The following TAFA5 variants were observed in gnomAD, a reference collection of about 807,000 sequenced individuals.
TAFA5 encodes the protein TAFA chemokine like family member 5, also known as chemokine-like protein TAFA-5.
A neutral mutation model predicts 15.3 loss-of-function variants in TAFA5; 6 were observed. That is an observed-to-expected ratio of 0.39 (90% CI 0.21 to 0.77). The LOEUF (loss-of-function observed/expected upper bound fraction) is 0.77, where lower values mean the gene tolerates loss of function less well. TAFA5 is among the 30% of genes least tolerant of loss of function. The pLI is 0.41. For synonymous variants in TAFA5, 103 were observed against 80.7 expected, an observed-to-expected ratio of 1.28 and a Z score of -1.48; for missense variants, 161 against 193.1, an observed-to-expected ratio of 0.83 and a Z score of 0.98.
intron 2 of TAFA5, among the ~76,000 whole-genome samples, chr22:48,649,377 T>C (rs1926976565): frequency 6.6e-6 from 1 of 152,036 alleles, no homozygotes; most frequent in African/African-American, 2.4e-5. Flanking sequence ...AGGGAGAGTG[T>C]GGCGCGAGAG....
chr22:48,519,167 A>C (rs920230099), intron 1 of TAFA5, among the ~76,000 whole-genome samples: 6 of 152,356 alleles, frequency 3.9e-5, no homozygotes, highest in East Asian at 1.9e-4. Flanking sequence ...TCTGCTTGAA[A>C]GGTTATTTGC....
intron 2 of TAFA5, among the ~76,000 whole-genome samples, chr22:48,652,016 C>T (rs1280815500): frequency 1.3e-5 from 2 of 152,208 alleles, no homozygotes; most frequent in African/African-American, 4.8e-5. Flanking sequence ...CGTCATCATG[C>T]CTAGCTGCTC....
At chr22:48,523,447 G>A (rs1283318961) in intron 1 of TAFA5, among the ~76,000 whole-genome samples, 1 of 152,260 alleles carries the variant, frequency 6.6e-6, no homozygotes, top group Non-Finnish European at 1.5e-5. Flanking sequence ...TCTCCTGGCT[G>A]TTGGCTACTT....
At chr22:48,571,271 CTTTT>C (rs869050468) in intron 1 of TAFA5, among the ~76,000 whole-genome samples, 2 of 97,710 alleles carry the variant, frequency 2.0e-5, no homozygotes, top group Non-Finnish European at 4.1e-5. Context: ...TTGTTGTTTG[CTTTT>C]TTTTTTTTTT....
rs146184490 is a variant in TAFA5, at chr22:48,639,415, G to A, written c.113-7182G>A. Among the ~76,000 whole-genome samples, 45 of 152,330 alleles carry A rather than the reference G, an allele frequency of 3.0e-4. 1 individual carries two copies. Among genetic ancestry groups the A allele is most frequent in the African/African-American group, 1.0e-3 (43 of 41,584 alleles). On this transcript the variant is annotated intron_variant, in intron 1 of 3. Transcript: ENST00000402357. Reference sequence around the variant, plus strand: ...ATTTTGGATATTCATCCTGTCATCCGTCACATCAGACATCCTCCCAGATCT... The same window carrying A: ...ATTTTGGATATTCATCCTGTCATCCATCACATCAGACATCCTCCCAGATCT...
chr22:48,577,231 G>A (rs1923845461), intron 1 of TAFA5, among the ~76,000 whole-genome samples: 1 of 152,224 alleles, frequency 6.6e-6, no homozygotes, highest in South Asian at 2.1e-4. Context: ...CTCGTGGCTG[G>A]AGAGGCCCTT....
chr22:48,491,577 G>C (rs1490042715), intron 1 of TAFA5, among the ~76,000 whole-genome samples: 2 of 152,228 alleles, frequency 1.3e-5, no homozygotes, highest in Non-Finnish European at 2.9e-5. Flanking sequence ...TTGACACCAG[G>C]GCCCTGTGGC....
chr22:48,690,361 G>A (rs987738803), intron 2 of TAFA5, among the ~76,000 whole-genome samples: 34 of 152,224 alleles, frequency 2.2e-4, no homozygotes, highest in Middle Eastern at 3.4e-3. Context: ...TGTGAGGGCC[G>A]GGGCTATGGA....
chr22:48,603,978 C>A (rs1327234403), intron 1 of TAFA5, among the ~76,000 whole-genome samples: 1 of 152,178 alleles, frequency 6.6e-6, no homozygotes, highest in Non-Finnish European at 1.5e-5. Flanking sequence ...ATTTGGGGGA[C>A]CTTGTGGGCC....
At chr22:48,561,588 G>A (rs1923232121) in intron 1 of TAFA5, among the ~76,000 whole-genome samples, 2 of 152,166 alleles carry the variant, frequency 1.3e-5, no homozygotes, top group Non-Finnish European at 2.9e-5. Flanking sequence ...GTGGCTTCTG[G>A]GTTGGCAGGG....
intron 2 of TAFA5, among the ~76,000 whole-genome samples, chr22:48,679,351 G>C (rs111166646): frequency 0.011 from 14 of 1,224 alleles, no homozygotes; most frequent in African/African-American, 0.031. Context: ...ATCCCTCTCC[G>C]GGCTCCCCGT....
chr22:48,528,771 C>T (rs1052004466), intron 1 of TAFA5, among the ~76,000 whole-genome samples: 3 of 152,202 alleles, frequency 2.0e-5, no homozygotes, highest in Non-Finnish European at 4.4e-5. Flanking sequence ...GTGGGCGGGG[C>T]CCCACTCAGC....
At chr22:48,705,977 C>T (rs1314060805) in intron 2 of TAFA5, among the ~76,000 whole-genome samples, 1 of 152,180 alleles carries the variant, frequency 6.6e-6, no homozygotes, top group Non-Finnish European at 1.5e-5. Flanking sequence ...GAATAGAAAA[C>T]CCAGGAGAGA....
chr22:48,584,896 C>T (rs1924278648), intron 1 of TAFA5, among the ~76,000 whole-genome samples: 1 of 133,486 alleles, frequency 7.5e-6, no homozygotes, highest in African/African-American at 2.9e-5. Flanking sequence ...TCACAAAATA[C>T]ATCTCACACA....
At position 48,745,559 on chromosome 22, in the gene TAFA5, C is replaced by T. The variant is rs192212243; in HGVS notation, c.391-4280C>T. On this transcript the variant is annotated intron_variant, in intron 3 of 3. Transcript: ENST00000402357. ...GCAGCTGGCCTGTCCGGGGTTCACC[C>T]TGAGCACACACATGACATAGTGTTC... 2.6e-5 allele frequency among the ~76,000 whole-genome samples: 4 copies of T among 152,350 alleles called. No individual in the cohort carries two copies. The East Asian group carries it at 7.7e-4, about 29-fold the overall frequency.
intron 1 of TAFA5, among the ~76,000 whole-genome samples, chr22:48,556,136 C>A (rs551839299): frequency 1.8e-4 from 28 of 152,292 alleles, no homozygotes; most frequent in Non-Finnish European, 3.4e-4. Flanking sequence ...GGTGATGTCA[C>A]CCGAGACCAA....
At chr22:48,699,602 C>T (rs183144691) in intron 2 of TAFA5, among the ~76,000 whole-genome samples, 53 of 152,214 alleles carry the variant, frequency 3.5e-4, no homozygotes, top group Middle Eastern at 3.4e-3. Context: ...AATCACGTGG[C>T]TTTGTTTGTT....
At chr22:48,650,361 G>T (rs1271027895) in intron 2 of TAFA5, among the ~76,000 whole-genome samples, 1 of 152,192 alleles carries the variant, frequency 6.6e-6, no homozygotes, top group Non-Finnish European at 1.5e-5. Flanking sequence ...GGATACCCAT[G>T]GCAGCAGAAG....
intron 3 of TAFA5, among the ~76,000 whole-genome samples, chr22:48,744,507 C>G (rs935659598): frequency 2.6e-5 from 4 of 152,120 alleles, no homozygotes; most frequent in African/African-American, 4.8e-5. Context: ...GAGCCGGGTC[C>G]CAGTCAAGTT....
Sources: gnomAD v4.1 joint callset for allele counts (sites outside exome capture counted in the v4.1 genomes callset) on GRCh38, gnomAD v4.1.1 for gene constraint, MANE v1.5 for transcripts, NCBI Gene and HGNC (gene_info 2026-07-23, HGNC 2026-07-21) for gene names.